The following SCYL2 variants were observed in gnomAD, a reference collection of about 807,000 sequenced individuals.
SCYL2 encodes the protein SCY1 like pseudokinase 2, also known as SCY1-like protein 2.
In SCYL2, 36 loss-of-function variants were observed where a neutral mutation model predicts 100.4. The observed-to-expected ratio is 0.36, with a 90% confidence interval of 0.27 to 0.47. The LOEUF is 0.47. Ranked by LOEUF, SCYL2 falls within the 20% of genes least tolerant of loss-of-function variation. The pLI is 1.00. For missense variants in SCYL2, 902 were observed against 1,083.9 expected, an observed-to-expected ratio of 0.83 and a Z score of 2.36; for synonymous variants, 330 against 359.2, an observed-to-expected ratio of 0.92 and a Z score of 0.92.
intron 11 of SCYL2, among the ~76,000 whole-genome samples, chr12:100,325,911 A>G (rs897702548): frequency 2.0e-5 from 3 of 151,946 alleles, no homozygotes; most frequent in African/African-American, 7.2e-5. Flanking sequence ...ATTTTTCCCC[A>G]TTTTTCCTGT....
chr12:100,269,868 A>G (rs2096285530), intron 1 of SCYL2, among the ~76,000 whole-genome samples: 1 of 152,222 alleles, frequency 6.6e-6, no homozygotes, highest in Non-Finnish European at 1.5e-5. Flanking sequence ...CTAGGCATCT[A>G]TGTGGTTTAA....
At chr12:100,308,076 A>G (rs1328540832) in intron 4 of SCYL2, among the ~76,000 whole-genome samples, 1 of 152,190 alleles carries the variant, frequency 6.6e-6, no homozygotes, top group Non-Finnish European at 1.5e-5. Flanking sequence ...TGAAAACAGT[A>G]TGGCGATTCC....
chr12:100,273,367 A>G (rs2096289474), intron 1 of SCYL2, among the ~76,000 whole-genome samples: 1 of 152,052 alleles, frequency 6.6e-6, no homozygotes, highest in African/African-American at 2.4e-5. Flanking sequence ...CTGTGCATGT[A>G]TATTCTGTAG....
intron 4 of SCYL2, among the ~76,000 whole-genome samples, chr12:100,300,707 GT>G (rs1435935771): frequency 2.0e-5 from 3 of 151,940 alleles, no homozygotes; most frequent in Admixed American, 1.3e-4. Flanking sequence ...GAGTTCAATT[GT>G]TTTGATTTTT....
At chr12:100,298,256 A>G (rs540182864) in intron 4 of SCYL2, 81 bp downstream of exon 4, 1 of 1,032,730 alleles carries the variant, frequency 9.7e-7, no homozygotes, top group Admixed American at 3.1e-5. Context: ...TTAACCATGT[A>G]AAACTATTTT....
intron 14 of SCYL2, 107 bp downstream of exon 14, chr12:100,334,373 G>A (rs888600889): frequency 2.8e-6 from 2 of 721,900 alleles, no homozygotes; most frequent in Non-Finnish European, 4.9e-6. Context: ...ATTTAAATTT[G>A]ACCACATGTA....
chr12:100,273,564 A>G (rs1011253633), intron 1 of SCYL2, among the ~76,000 whole-genome samples: 3 of 152,332 alleles, frequency 2.0e-5, no homozygotes, highest in East Asian at 1.9e-4. Context: ...GTTCTTTGCC[A>G]TACGTACATC....
chr12:100,312,280 T>C, intron 5 of SCYL2, 152 bp from the exon 6 acceptor site: 1 of 665,890 alleles, frequency 1.5e-6, no homozygotes, highest in Non-Finnish European at 2.6e-6. Context: ...CATGGACTTT[T>C]TTACATTTGG....
chr12:100,335,759 A>AAATCACATTT, intron 15 of SCYL2, 52 bp from the exon 16 acceptor site: 1 of 1,596,396 alleles, frequency 6.3e-7, no homozygotes, highest in South Asian at 1.1e-5. Context: ...TTAAGCAGCA[A>AAATCACATTT]AATCACATTT....
intron 1 of SCYL2, among the ~76,000 whole-genome samples, chr12:100,268,021 C>A (rs1402965542): frequency 6.6e-6 from 1 of 152,088 alleles, no homozygotes; most frequent in African/African-American, 2.4e-5. Context: ...GGGTTTAGAC[C>A]GATAAAGCTT....
At chr12:100,316,748 G>A (rs796618052) in intron 9 of SCYL2, among the ~76,000 whole-genome samples, 3 of 152,270 alleles carry the variant, frequency 2.0e-5, no homozygotes, top group South Asian at 4.1e-4. Flanking sequence ...GTACCCTAAG[G>A]ATCCTATAAT....
At chr12:100,278,436 G>A (rs2096294740) in intron 1 of SCYL2, among the ~76,000 whole-genome samples, 1 of 152,048 alleles carries the variant, frequency 6.6e-6, no homozygotes, top group African/African-American at 2.4e-5. Context: ...CTGGGCTCAA[G>A]TGATCCTCCC....
At chr12:100,289,026 A>G (rs1156972151) in intron 2 of SCYL2, among the ~76,000 whole-genome samples, 1 of 152,068 alleles carries the variant, frequency 6.6e-6, no homozygotes, top group Non-Finnish European at 1.5e-5. Context: ...TAAATTGGAT[A>G]CATTTATAAA....
chr12:100,305,905 G>T (rs1439671543), intron 4 of SCYL2, among the ~76,000 whole-genome samples: 1 of 151,946 alleles, frequency 6.6e-6, no homozygotes, highest in African/African-American at 2.4e-5. Flanking sequence ...CGAAAATCAA[G>T]AAGAAATGGA....
chr12:100,311,432 G>T (rs1383155290), intron 5 of SCYL2, among the ~76,000 whole-genome samples: 1 of 151,926 alleles, frequency 6.6e-6, no homozygotes, highest in Non-Finnish European at 1.5e-5. Flanking sequence ...GATTAAATAG[G>T]GTTTTTTTTT....
At chr12:100,303,351 C>A (rs2096330060) in intron 4 of SCYL2, among the ~76,000 whole-genome samples, 1 of 152,100 alleles carries the variant, frequency 6.6e-6, no homozygotes, top group Admixed American at 6.5e-5. Context: ...AATTTTCAGC[C>A]TTTTGGCACT....
intron 1 of SCYL2, among the ~76,000 whole-genome samples, chr12:100,276,843 A>G (rs2096293025): frequency 2.0e-5 from 3 of 151,934 alleles, no homozygotes; most frequent in Admixed American, 2.0e-4. Context: ...GGAAGCTTAG[A>G]CCATTATTTT....
Position 100,267,204 on chromosome 12 carries a change from GTCCCCGGTCCCTCCCC to G in SCYL2, c.-611_-596del. The G allele has an allele frequency of 1.0e-6, 1 of 982,390 alleles. No individual in the cohort carries two copies. The allele number at this position is 982,390 out of a possible 1,614,324, so 60.9% of individuals were successfully genotyped here. ...TCTTTTTCCCCCTCCCTTACTCTTC[GTCCCCGGTCCCTCCCC>G]TCCCCACCCCTTTCCTTCTAGCTCC... On this transcript the variant is annotated 5_prime_UTR_variant, in exon 1 of 18. Transcript: ENST00000360820.
chr12:100,292,579 C>T (rs1282974074), intron 3 of SCYL2, among the ~76,000 whole-genome samples: 2 of 151,814 alleles, frequency 1.3e-5, no homozygotes, highest in African/African-American at 4.8e-5. Context: ...CCTTCAAAGG[C>T]ACAAGATCTT....
Sources: allele counts gnomAD v4.1 joint callset (sites outside exome capture counted in the v4.1 genomes callset), GRCh38; gene constraint gnomAD v4.1.1; transcripts MANE v1.5; gene names NCBI Gene and HGNC (gene_info 2026-07-23, HGNC 2026-07-21).